The following EIF3H variants were observed in gnomAD, a reference collection of about 807,000 sequenced individuals.
EIF3H encodes eIF-3-gamma.
Under a neutral mutation model 44.2 loss-of-function variants are expected in EIF3H, and 26 were observed. The observed-to-expected ratio is 0.59, with a 90% CI of 0.43 to 0.82. The LOEUF is 0.82. Among genes scored for constraint, EIF3H ranks in the 40% least tolerant of loss-of-function variants. The probability of loss-of-function intolerance (pLI) is 0.00; values close to 1 mark genes in which losing one functional copy is unlikely to be tolerated. For synonymous variants in EIF3H, 166 were observed against 151.9 expected (o/e 1.09, Z -0.68); for missense variants, 359 against 432.8 (o/e 0.83, Z 1.51).
chr8:116,668,972 A>C (rs1480610675), intron 2 of EIF3H, among the ~76,000 whole-genome samples: 1 of 152,156 alleles, frequency 6.6e-6, no homozygotes, highest in East Asian at 1.9e-4. Context: ...ATGGAGTGTT[A>C]CGCAAGCTCC....
At chr8:116,718,234 C>G (rs909938387) in intron 2 of EIF3H, among the ~76,000 whole-genome samples, 1 of 151,952 alleles carries the variant, frequency 6.6e-6, no homozygotes, top group African/African-American at 2.4e-5. Context: ...TAGATGTTGG[C>G]CTGGATGGGG....
chr8:116,661,246 CTATT>C (rs759695399), intron 2 of EIF3H, among the ~76,000 whole-genome samples: 122 of 152,204 alleles, frequency 8.0e-4, no homozygotes, highest in African/African-American at 2.8e-3. Context: ...ACTGAATTTG[CTATT>C]TATTTTAAAG....
chr8:116,655,165 T>C (rs1359594677), intron 5 of EIF3H, among the ~76,000 whole-genome samples: 2 of 151,932 alleles, frequency 1.3e-5, no homozygotes, highest in Non-Finnish European at 1.5e-5. Flanking sequence ...TCTATTCACA[T>C]TTCTGTTAAG....
chr8:116,747,602 A>G (rs1381665156), intron 1 of EIF3H, among the ~76,000 whole-genome samples: 1 of 152,218 alleles, frequency 6.6e-6, no homozygotes, highest in East Asian at 1.9e-4. Context: ...AGAAGAGGCC[A>G]AGGGTCATAT....
intron 2 of EIF3H, among the ~76,000 whole-genome samples, chr8:116,666,889 T>G (rs1217367518): frequency 6.6e-6 from 1 of 151,402 alleles, no homozygotes; most frequent in Non-Finnish European, 1.5e-5. Context: ...AAGAATGGAA[T>G]ATTTAAAAAA....
chr8:116,765,313 G>A (rs1431092726), intron 1 of EIF3H, among the ~76,000 whole-genome samples: 4 of 152,126 alleles, frequency 2.6e-5, no homozygotes, highest in Non-Finnish European at 5.9e-5. Context: ...CTCAGATCAG[G>A]GCTAACATTA....
chr8:116,752,009 C>T (rs1419067908), intron 1 of EIF3H, among the ~76,000 whole-genome samples: 1 of 152,068 alleles, frequency 6.6e-6, no homozygotes, highest in Non-Finnish European at 1.5e-5. Context: ...AAGCCAAAAC[C>T]TAAACCATGA....
chr8:116,696,894 G>A (rs572018855), intron 2 of EIF3H, among the ~76,000 whole-genome samples: 8 of 152,266 alleles, frequency 5.3e-5, no homozygotes, highest in African/African-American at 1.4e-4. Flanking sequence ...AAAAGCACAG[G>A]TGACAAAACT....
rs765673805 is a variant in EIF3H at position 116,646,485 on chromosome 8, G to A, written c.947C>T (p.Ser316Leu). Residue 316 changes from serine to leucine, a missense_variant, in exon 7 of 8, where the codon TCG becomes TTG. By Grantham distance (145) the Ser-to-Leu change is moderately radical. This residue lies in a region of EIF3H where 94 missense variants were observed against 96.0 expected (regional missense o/e 0.98). Transcript: ENST00000521861. ...GGCAACAATACCTGCAATGAGCAGC[G>A]AGTCCATCCTGGCAGGCGGCTGTGG... ...KPPQPPARMDSLLIAGQINTY... is the reference protein window; with the variant it reads ...KPPQPPARMDLLLIAGQINTY... 53 of 1,614,066 alleles carry A rather than the reference G, an allele frequency of 3.3e-5. No homozygotes were observed. Among genetic ancestry groups the A allele is most frequent in the Non-Finnish European group, 1.9e-5 (23 of 1,180,042 alleles).
intron 1 of EIF3H, among the ~76,000 whole-genome samples, chr8:116,764,780 A>G (rs1197326577): frequency 6.6e-6 from 1 of 152,152 alleles, no homozygotes; most frequent in Non-Finnish European, 1.5e-5. Flanking sequence ...CGGGCTCCCG[A>G]AGTTCTGGTA....
chr8:116,646,974 A>G (rs1813311582), intron 6 of EIF3H, among the ~76,000 whole-genome samples: 1 of 152,202 alleles, frequency 6.6e-6, no homozygotes, highest in Non-Finnish European at 1.5e-5. Flanking sequence ...TTTAATGACT[A>G]AGTAATGAAC....
chr8:116,717,357 T>C (rs189805473), intron 2 of EIF3H, among the ~76,000 whole-genome samples: 19 of 152,104 alleles, frequency 1.2e-4, no homozygotes, highest in Admixed American at 1.2e-3. Flanking sequence ...GCAATCCCCA[T>C]CAAAATACCA....
intron 2 of EIF3H, among the ~76,000 whole-genome samples, chr8:116,665,893 GAATT>G (rs1813657024): frequency 6.6e-6 from 1 of 152,164 alleles, no homozygotes; most frequent in Non-Finnish European, 1.5e-5. Context: ...TTTGAAAAAA[GAATT>G]AAATAAGAGT....
At chr8:116,649,948 G>A (rs575644219) in intron 5 of EIF3H, among the ~76,000 whole-genome samples, 1 of 152,258 alleles carries the variant, frequency 6.6e-6, no homozygotes, top group South Asian at 2.1e-4. Flanking sequence ...GCCTGAGATG[G>A]GCAAGAATTA....
Position 116,707,480 on chromosome 8 carries a change from G to C in EIF3H, c.289+18536C>G, listed in dbSNP as rs188036552. On this transcript the variant is annotated intron_variant, in intron 2 of 7. Transcript: ENST00000521861. ...TTTACAAAGTATTCAAGATAGAAGG[G>C]AAGGCAAACAGGAATTTAATTCTGT... is the stretch of plus-strand genomic sequence containing the variant. 2.2e-3 allele frequency among the ~76,000 whole-genome samples: 330 copies of C among 152,250 alleles called. 1 individual carries two copies. The highest frequency in any genetic ancestry group is 7.3e-3 in the African/African-American group (305 of 41,540).
chr8:116,723,461 T>TA (rs1037093208), intron 2 of EIF3H, among the ~76,000 whole-genome samples: 3 of 152,158 alleles, frequency 2.0e-5, no homozygotes, highest in Non-Finnish European at 2.9e-5. Context: ...CATAAGGGTT[T>TA]AAAAAAATCC....
intron 5 of EIF3H, among the ~76,000 whole-genome samples, chr8:116,652,059 A>G (rs73322477): frequency 6.6e-6 from 1 of 152,330 alleles, no homozygotes; most frequent in African/African-American, 2.4e-5. Context: ...AAATCGCCCC[A>G]CGAGTACATG....
chr8:116,719,011 G>A (rs1360488793), intron 2 of EIF3H, among the ~76,000 whole-genome samples: 1 of 152,090 alleles, frequency 6.6e-6, no homozygotes, highest in Non-Finnish European at 1.5e-5. Flanking sequence ...ACTACGGTGG[G>A]AAAGAAAATG....
exon 1 of EIF3H, chr8:116,765,874 T>C (rs1412274020): frequency 6.6e-6 from 1 of 152,344 alleles, no homozygotes; most frequent in East Asian, 1.9e-4. Flanking sequence ...GCGAGTGATT[T>C]AGGATGGTCC....
Sources: allele counts gnomAD v4.1 joint callset (sites outside exome capture counted in the v4.1 genomes callset), GRCh38; gene constraint gnomAD v4.1.1; regional missense constraint gnomAD v4.1.1; transcripts MANE v1.5; gene names NCBI Gene and HGNC (gene_info 2026-07-23, HGNC 2026-07-21).